The following TBK1 variants were observed in gnomAD, a reference collection of about 807,000 sequenced individuals.
The protein encoded by TBK1 is serine/threonine-protein kinase TBK1.
Under a neutral mutation model 99.9 loss-of-function variants are expected in TBK1, and 37 were observed. The observed-to-expected ratio is 0.37, with a 90% CI of 0.28 to 0.49. The LOEUF is 0.49. Among genes scored for constraint, TBK1 ranks in the 20% least tolerant of loss-of-function variants. TBK1 has a pLI of 0.98. For missense variants in TBK1, 644 were observed against 872.5 expected (o/e 0.74, Z 3.30); for synonymous variants, 258 against 279.8 (o/e 0.92, Z 0.78).
intron 20 of TBK1, among the ~76,000 whole-genome samples, chr12:64,500,594 G>C (rs2040978427): frequency 6.6e-6 from 1 of 151,928 alleles, no homozygotes; most frequent in African/African-American, 2.4e-5. Context: ...TACCTAAAAA[G>C]TCAAGTCTAA....
chr12:64,496,016 G>T, intron 15 of TBK1: 1 of 408,306 alleles, frequency 2.4e-6, no homozygotes. Flanking sequence ...AGGCCAGGCA[G>T]GTAACAGAAA....
At position 64,501,446 on chromosome 12, in the gene TBK1, G is replaced by T. The variant is rs2040988903; in HGVS notation, c.*65G>T. 1.4e-6 allele frequency: 2 copies of T among 1,472,130 alleles called. No homozygotes were observed. The highest frequency in any genetic ancestry group is 1.9e-6 in the Non-Finnish European group (2 of 1,058,038). The allele number at this position is 1,472,130 out of a possible 1,614,324, so 91.2% of individuals were successfully genotyped here. ...AGAAAATAACGCTTGGGCATTAAAT[G>T]AATGCCTTTATAGATAGTCACTTGT... On this transcript the variant is annotated 3_prime_UTR_variant, in exon 21 of 21. Transcript: ENST00000331710.
chr12:64,491,291 TG>T (rs1419963150), intron 13 of TBK1, among the ~76,000 whole-genome samples: 2 of 152,130 alleles, frequency 1.3e-5, no homozygotes, highest in Non-Finnish European at 2.9e-5. Context: ...GCCCGTCTTA[TG>T]GGTTGTTGTA....
In TBK1 at chr12:64,464,394, G is replaced by C; in HGVS notation, c.289G>C (p.Val97Leu). 6.2e-7 allele frequency: 1 copy of C among 1,607,364 alleles called. No homozygotes were observed. Among genetic ancestry groups the C allele is most frequent in the Non-Finnish European group, 8.5e-7 (1 of 1,176,868 alleles). Residue 97 changes from valine to leucine, a missense_variant, in exon 4 of 21, where the codon GTT (valine) becomes CTT (leucine). This residue lies in a region of TBK1 where 148 missense variants were observed against 202.1 expected (regional missense o/e 0.73). Coordinates refer to ENST00000331710, the MANE Select transcript of TBK1 (RefSeq NM_013254.4). ...EFCPCGSLYT[V>L]LEEPSNAYGL... ...TTGTCCATGTGGGAGTTTATACACT[G>C]TTTTAGAAGAACCTTCTAATGCCTA...
chr12:64,458,678 A>G (rs1381219814), intron 2 of TBK1, among the ~76,000 whole-genome samples: 1 of 152,178 alleles, frequency 6.6e-6, no homozygotes, highest in Non-Finnish European at 1.5e-5. Context: ...AATAATGACC[A>G]TGAGGTCAGT....
At chr12:64,466,869 A>C in intron 4 of TBK1, 32 bp from the exon 5 acceptor site, 1 of 1,509,642 alleles carries the variant, frequency 6.6e-7, no homozygotes, top group Non-Finnish European at 8.9e-7. Flanking sequence ...AAATATCTAC[A>C]TTATGACTTC....
chr12:64,455,034 C>T lies in TBK1; in HGVS notation c.-31-806C>T, dbSNP rs140861732. Among the ~76,000 whole-genome samples, 7 of 136,190 alleles carry T rather than the reference C, an allele frequency of 5.1e-5. No homozygotes were observed. In the East Asian group the frequency reaches 1.5e-3, roughly 30 times the overall value. The allele number at this position is 136,190 out of a possible 152,430, so 89.3% of individuals were successfully genotyped here. ...ATGGAGTCTTGCTCTGTCACCCAGG[C>T]TGGAATAGGGTGGCACGATTTCAGC... On this transcript the variant is annotated intron_variant, in intron 1 of 20. Transcript: ENST00000331710.
intron 13 of TBK1, among the ~76,000 whole-genome samples, chr12:64,491,102 C>G (rs1320934231): frequency 1.3e-5 from 2 of 152,024 alleles, no homozygotes; most frequent in Non-Finnish European, 2.9e-5. Context: ...CTCTGAATCT[C>G]TTATTAACAT....
intron 3 of TBK1, among the ~76,000 whole-genome samples, chr12:64,462,041 T>A (rs1190934407): frequency 6.6e-6 from 1 of 152,200 alleles, no homozygotes; most frequent in Non-Finnish European, 1.5e-5. Flanking sequence ...TTACTGAGGC[T>A]GGATCATTTA....
chr12:64,458,504 G>GATATATATATATAT (rs2040513547), intron 2 of TBK1, among the ~76,000 whole-genome samples: 14 of 104,060 alleles, frequency 1.3e-4, no homozygotes, highest in African/African-American at 3.9e-4. Flanking sequence ...TGCACATATG[G>GATATATATATATAT]ATATATACAT....
chr12:64,489,043 C>T (rs548140573), intron 12 of TBK1, among the ~76,000 whole-genome samples: 6 of 152,270 alleles, frequency 3.9e-5, no homozygotes, highest in Admixed American at 3.3e-4. Flanking sequence ...ACTTTATCAT[C>T]ACAAAGGCAA....
chr12:64,495,382 A>C (rs1456309380), intron 13 of TBK1, 101 bp from the exon 14 acceptor site: 2 of 1,409,922 alleles, frequency 1.4e-6, no homozygotes, highest in African/African-American at 2.9e-5. Flanking sequence ...AATTGAAGTA[A>C]TCTACAAAAG....
chr12:64,474,237 A>G lies in TBK1; in HGVS notation c.548A>G (p.Asp183Gly), dbSNP rs1592362609. The G allele has an allele frequency of 6.2e-7, 1 of 1,611,260 alleles. No individual in the cohort carries two copies. Among genetic ancestry groups the G allele is most frequent in the Non-Finnish European group, 8.5e-7 (1 of 1,179,230 alleles). Residue 183 changes from aspartate to glycine, a missense_variant, in exon 6 of 21, where the codon GAT becomes GGT. Asp to Gly is a moderately conservative substitution (Grantham distance 94). Transcript: ENST00000331710. ...TTTTTTTTTTAATCTTAGCACCCTG[A>G]TATGTATGAGAGAGCAGTGCTAAGA... ...LYGTEEYLHP[D>G]MYERAVLRKD...
At chr12:64,497,860 T>C (rs910124704) in intron 19 of TBK1, 106 bp downstream of exon 19, 3 of 1,379,452 alleles carry the variant, frequency 2.2e-6, no homozygotes, top group Non-Finnish European at 1.0e-6. Flanking sequence ...TGTAATACAA[T>C]GTTTAATAAG....
chr12:64,497,334 G>A, intron 18 of TBK1, 75 bp downstream of exon 18: 1 of 1,115,258 alleles, frequency 9.0e-7, no homozygotes, highest in Non-Finnish European at 1.3e-6. Flanking sequence ...GGGAGAAATG[G>A]GATAGAATGT....
At chr12:64,469,169 A>G (rs1263730281) in intron 5 of TBK1, among the ~76,000 whole-genome samples, 1 of 151,810 alleles carries the variant, frequency 6.6e-6, no homozygotes, top group Non-Finnish European at 1.5e-5. Context: ...TAGCAGAGGG[A>G]AGTACAGTTG....
intron 5 of TBK1, among the ~76,000 whole-genome samples, chr12:64,473,067 C>G (rs2040677304): frequency 6.6e-6 from 1 of 152,150 alleles, no homozygotes; most frequent in African/African-American, 2.4e-5. Flanking sequence ...GAAATTAAGG[C>G]TGCCTGATAG....
In TBK1 at chr12:64,480,393, G is replaced by A. The variant is rs947761026; in HGVS notation, c.812+271G>A. ...CACTGGTCTTGGAATTCTTCCCAGT[G>A]TAGGGATCATGCTCAGGACCTTAGT... On this transcript the variant is annotated intron_variant, in intron 7 of 20. Transcript: ENST00000331710. 3.3e-5 allele frequency among the ~76,000 whole-genome samples: 5 copies of A among 152,168 alleles called. 1 individual carries two copies. The East Asian group carries it at 9.6e-4, about 29-fold the overall frequency.
intron 6 of TBK1, among the ~76,000 whole-genome samples, chr12:64,478,442 C>T (rs957787442): frequency 2.0e-5 from 3 of 152,184 alleles, no homozygotes; most frequent in African/African-American, 4.8e-5. Flanking sequence ...CATGAGCCAC[C>T]GCACCCAGCC....
Sources: gnomAD v4.1 joint callset for allele counts (sites outside exome capture counted in the v4.1 genomes callset) on GRCh38, gnomAD v4.1.1 for gene constraint, gnomAD v4.1.1 regional missense constraint, MANE v1.5 for transcripts, NCBI Gene and HGNC (gene_info 2026-07-23, HGNC 2026-07-21) for gene names.